Variants in CHN2 observed in about 807,000 individuals in gnomAD.
CHN2 encodes beta-chimaerin.
CHN2 carries 35 observed loss-of-function variants against 56.3 expected under a neutral mutation model. The observed-to-expected ratio is 0.62, with a 90% CI of 0.47 to 0.82. The LOEUF is 0.82. CHN2 is among the 40% of genes least tolerant of loss of function. The pLI is 0.00. For synonymous variants in CHN2, 210 were observed against 212.8 expected (o/e 0.99, Z 0.12); for missense variants, 491 against 580.5 (o/e 0.85, Z 1.58).
At chr7:29,357,655 C>T (rs1250488990) in intron 2 of CHN2, among the ~76,000 whole-genome samples, 2 of 152,152 alleles carry the variant, frequency 1.3e-5, no homozygotes, top group African/African-American at 2.4e-5. Context: ...TAACAAAATG[C>T]TACTCCTCTA....
chr7:29,378,481 TA>T (rs1800239640), intron 3 of CHN2, among the ~76,000 whole-genome samples: 1 of 152,222 alleles, frequency 6.6e-6, no homozygotes, highest in Admixed American at 6.5e-5. Context: ...ACTGTTTTGG[TA>T]AATAAAGTTT....
chr7:29,375,843 C>T lies in CHN2; in HGVS notation c.144+7856C>T, dbSNP rs1231782715. 3.3e-5 allele frequency among the ~76,000 whole-genome samples: 5 copies of T among 152,212 alleles called. No individual in the cohort carries two copies. In the East Asian group the frequency reaches 9.6e-4, roughly 29 times the overall value. ...ACAGCAGCCCCATATTAAGTCTGCTCTGTGACTCAGAGGTCAGGCCCCACA... is the reference window on the plus strand; with the variant it reads ...ACAGCAGCCCCATATTAAGTCTGCTTTGTGACTCAGAGGTCAGGCCCCACA... On this transcript the variant is annotated intron_variant, in intron 3 of 12. Coordinates refer to ENST00000222792, the MANE Select transcript of CHN2 (RefSeq NM_004067.4).
intron 1 of CHN2, among the ~76,000 whole-genome samples, chr7:29,263,796 A>AC (rs1430677091): frequency 1.3e-4 from 18 of 139,398 alleles, no homozygotes; most frequent in African/African-American, 4.5e-4. Context: ...CCCGGCTGCG[A>AC]CCCCGTCTGG....
At chr7:29,217,186 T>C (rs569134167) in intron 1 of CHN2, among the ~76,000 whole-genome samples, 1 of 152,196 alleles carries the variant, frequency 6.6e-6, no homozygotes, top group Non-Finnish European at 1.5e-5. Context: ...GAAAATCTGG[T>C]TTGTGCATAT....
At chr7:29,305,376 C>G (rs1794057586) in intron 1 of CHN2, among the ~76,000 whole-genome samples, 1 of 152,082 alleles carries the variant, frequency 6.6e-6, no homozygotes, top group African/African-American at 2.4e-5. Context: ...TACCTGCTGT[C>G]CATATTCTAC....
rs750560386 is a variant in CHN2 at position 29,512,755 on chromosome 7, G to GT, written c.*20_*21insT. The GT allele has an allele frequency of 6.2e-7, 1 of 1,612,056 alleles. No homozygotes were observed. Among genetic ancestry groups the GT allele is most frequent in the African/African-American group, 1.3e-5 (1 of 74,824 alleles). ...TTCTAATCCATCAGGGAAATGAGCT[G>GT]AATGGCCCCAGCACCATCCAAGTTG... On this transcript the variant is annotated 3_prime_UTR_variant, in exon 13 of 13. Coordinates refer to ENST00000222792, the MANE Select transcript of CHN2 (RefSeq NM_004067.4).
chr7:29,449,923 C>G (rs928828156), intron 6 of CHN2, among the ~76,000 whole-genome samples: 2 of 152,188 alleles, frequency 1.3e-5, no homozygotes, highest in Admixed American at 6.5e-5. Context: ...TTATCACTTT[C>G]TTTTCTCTAT....
At chr7:29,428,125 C>T (rs936820148) in intron 6 of CHN2, among the ~76,000 whole-genome samples, 7 of 152,188 alleles carry the variant, frequency 4.6e-5, no homozygotes, top group Non-Finnish European at 1.0e-4. Context: ...TGGATATTCA[C>T]TTAATCTCTC....
At chr7:29,405,313 G>C (rs1020809806) in intron 6 of CHN2, among the ~76,000 whole-genome samples, 2 of 151,796 alleles carry the variant, frequency 1.3e-5, no homozygotes, top group East Asian at 1.9e-4. Context: ...GGTCTTTAAC[G>C]AAGAGTCTGT....
chr7:29,392,124 G>A (rs1351005067), intron 3 of CHN2, among the ~76,000 whole-genome samples: 5 of 152,136 alleles, frequency 3.3e-5, no homozygotes, highest in African/African-American at 1.2e-4. Flanking sequence ...TCAAATTTTG[G>A]AATATCGCCT....
rs192522871 is a variant in CHN2, at chr7:29,257,950, G to T, written c.49+62960G>T. 2.0e-5 allele frequency among the ~76,000 whole-genome samples: 3 copies of T among 152,024 alleles called. No homozygotes were observed. The East Asian group carries it at 5.8e-4, about 29-fold the overall frequency. ...CTACAGGCACGTGCCACCACCCCTGGCTAATTTTTTTTTTCTAGAGATAGG... is the reference window on the plus strand; with the variant it reads ...CTACAGGCACGTGCCACCACCCCTGTCTAATTTTTTTTTTCTAGAGATAGG... On this transcript the variant is annotated intron_variant, in intron 1 of 12. Transcript: ENST00000222792.
rs79853837 is a variant in CHN2, at chr7:29,337,364, G to A, written c.50-17261G>A. On this transcript the variant is annotated intron_variant, in intron 1 of 12. Coordinates refer to ENST00000222792, the MANE Select transcript of CHN2 (RefSeq NM_004067.4). ...GGAAGTAGGAACTTTCACATGCTGC[G>A]ATTAGGAAGACAAATGTCCCACTGT... Among the ~76,000 whole-genome samples the A allele has an allele frequency of 8.2e-3, 1,245 of 152,220 alleles. 19 individuals carry two copies. The highest frequency in any genetic ancestry group is 0.013 in the Admixed American group (195 of 15,292).
intron 1 of CHN2, among the ~76,000 whole-genome samples, chr7:29,216,388 G>T (rs1463824727): frequency 6.6e-6 from 1 of 152,180 alleles, no homozygotes; most frequent in East Asian, 1.9e-4. Flanking sequence ...ATCAAGTGCT[G>T]TCTCTTCCTA....
chr7:29,304,291 A>G (rs962948545), intron 1 of CHN2, among the ~76,000 whole-genome samples: 1 of 152,200 alleles, frequency 6.6e-6, no homozygotes, highest in South Asian at 2.1e-4. Flanking sequence ...CTGAAGCCTA[A>G]TCCTTGGCAT....
At chr7:29,431,965 G>A (rs1022319284) in intron 6 of CHN2, among the ~76,000 whole-genome samples, 1 of 152,244 alleles carries the variant, frequency 6.6e-6, no homozygotes, top group African/African-American at 2.4e-5. Context: ...CGGGCTGACA[G>A]CCTTGGGATC....
intron 6 of CHN2, among the ~76,000 whole-genome samples, chr7:29,476,794 C>G (rs1487383722): frequency 1.3e-5 from 2 of 152,076 alleles, no homozygotes; most frequent in African/African-American, 4.8e-5. Flanking sequence ...TGCCACTGAA[C>G]ATCCTGCAAC....
At chr7:29,299,206 C>G (rs114137013) in intron 1 of CHN2, among the ~76,000 whole-genome samples, 2 of 152,276 alleles carry the variant, frequency 1.3e-5, no homozygotes, top group South Asian at 2.1e-4. Context: ...CTGCGTAGAC[C>G]GGTCGGAGTT....
At chr7:29,503,760 T>C (rs1319756155) in intron 9 of CHN2, among the ~76,000 whole-genome samples, 1 of 152,206 alleles carries the variant, frequency 6.6e-6, no homozygotes, top group East Asian at 1.9e-4. Context: ...GGAGAATATG[T>C]GAGTTATCAA....
At chr7:29,197,100 A>G (rs769616134) in intron 1 of CHN2, among the ~76,000 whole-genome samples, 1 of 152,178 alleles carries the variant, frequency 6.6e-6, no homozygotes, top group Non-Finnish European at 1.5e-5. Context: ...AGCAATTCAC[A>G]CCTGTGAGAG....
Sources: allele counts gnomAD v4.1 joint callset (sites outside exome capture counted in the v4.1 genomes callset), GRCh38; gene constraint gnomAD v4.1.1; transcripts MANE v1.5; gene names NCBI Gene and HGNC (gene_info 2026-07-23, HGNC 2026-07-21).